ZMAT4: variants seen among roughly 807,000 people sequenced by gnomAD.
ZMAT4 encodes the protein zinc finger matrin-type protein 4.
A neutral mutation model predicts 28.7 loss-of-function variants in ZMAT4; 17 were observed. The observed-to-expected ratio is 0.59, with a 90% CI of 0.41 to 0.89. ZMAT4 has a LOEUF of 0.89. Among genes scored for constraint, ZMAT4 ranks in the 40% least tolerant of loss-of-function variants. ZMAT4 has a pLI of 0.00. For missense variants in ZMAT4, 240 were observed against 283.8 expected, an observed-to-expected ratio of 0.85 and a Z score of 1.11; for synonymous variants, 117 against 109.2, an observed-to-expected ratio of 1.07 and a Z score of -0.44.
chr8:40,763,944 T>C (rs1169809798), intron 3 of ZMAT4, among the ~76,000 whole-genome samples: 2 of 152,020 alleles, frequency 1.3e-5, no homozygotes, highest in Admixed American at 1.3e-4. Flanking sequence ...GCGATTTTGG[T>C]CAGCAGTTAC....
intron 1 of ZMAT4, among the ~76,000 whole-genome samples, chr8:40,849,336 C>T (rs1044875822): frequency 2.0e-5 from 3 of 152,228 alleles, no homozygotes; most frequent in African/African-American, 7.2e-5. Flanking sequence ...TTCTGCCTTT[C>T]TGAGTCCTTT....
At chr8:40,737,089 A>C (rs536821990) in intron 3 of ZMAT4, among the ~76,000 whole-genome samples, 2 of 152,380 alleles carry the variant, frequency 1.3e-5, no homozygotes, top group Non-Finnish European at 2.9e-5. Context: ...AAGCCACTGC[A>C]GCAAATAAAA....
intron 6 of ZMAT4, among the ~76,000 whole-genome samples, chr8:40,535,264 T>C (rs1464276905): frequency 6.6e-6 from 1 of 152,168 alleles, no homozygotes; most frequent in African/African-American, 2.4e-5. Flanking sequence ...CTTCCGCTTC[T>C]TCCACCACTA....
intron 2 of ZMAT4, among the ~76,000 whole-genome samples, chr8:40,807,625 C>T (rs766992504): frequency 3.3e-5 from 5 of 152,182 alleles, no homozygotes; most frequent in African/African-American, 9.7e-5. Context: ...ATTTTAGCTA[C>T]AGGATTGCTT....
intron 2 of ZMAT4, among the ~76,000 whole-genome samples, chr8:40,823,293 A>G (rs1563509174): frequency 6.6e-6 from 1 of 152,188 alleles, no homozygotes; most frequent in Non-Finnish European, 1.5e-5. Flanking sequence ...AACATAAAGT[A>G]CTAATGGGAG....
intron 4 of ZMAT4, among the ~76,000 whole-genome samples, chr8:40,675,501 C>T (rs1448888355): frequency 6.6e-6 from 1 of 152,062 alleles, no homozygotes; most frequent in East Asian, 1.9e-4. Context: ...GTGTGTATAA[C>T]ACTAAAAATA....
chr8:40,863,796 G>A (rs1393432912), intron 1 of ZMAT4, among the ~76,000 whole-genome samples: 4 of 152,168 alleles, frequency 2.6e-5, no homozygotes, highest in Admixed American at 6.5e-5. Context: ...GGAAGACCTT[G>A]TGAAAATCAT....
intron 1 of ZMAT4, among the ~76,000 whole-genome samples, chr8:40,860,350 C>T (rs1226520377): frequency 2.0e-5 from 3 of 152,160 alleles, no homozygotes; most frequent in Non-Finnish European, 2.9e-5. Context: ...GTCATTGCCA[C>T]ACTCTGTCCG....
intron 2 of ZMAT4, among the ~76,000 whole-genome samples, chr8:40,784,719 T>C (rs1813990285): frequency 6.6e-6 from 1 of 152,122 alleles, no homozygotes; most frequent in Non-Finnish European, 1.5e-5. Flanking sequence ...CGATCCCCAT[T>C]CAACGGAGAA....
chr8:40,646,385 C>A (rs926994437), intron 5 of ZMAT4, among the ~76,000 whole-genome samples: 4 of 151,646 alleles, frequency 2.6e-5, no homozygotes, highest in Non-Finnish European at 5.9e-5. Flanking sequence ...TGTAAACATA[C>A]TTTAACTTTT....
intron 1 of ZMAT4, among the ~76,000 whole-genome samples, chr8:40,891,544 C>T (rs1209056384): frequency 6.6e-6 from 1 of 152,096 alleles, no homozygotes; most frequent in Non-Finnish European, 1.5e-5. Flanking sequence ...CAGCCCCTGG[C>T]GTTCCCTGGG....
In ZMAT4 at chr8:40,542,622, C is replaced by T. The variant is rs534533293; in HGVS notation, c.675-10384G>A. Reference sequence around the variant, plus strand: ...CAGGCTGGTCTCCAACTCCTGGCCTCAACTGATCCACCCGCTTCTGCCTCT... The same window carrying T: ...CAGGCTGGTCTCCAACTCCTGGCCTTAACTGATCCACCCGCTTCTGCCTCT... On this transcript the variant is annotated intron_variant, in intron 6 of 6. Transcript: ENST00000297737. Among the ~76,000 whole-genome samples, 10 of 152,114 alleles carry T rather than the reference C, an allele frequency of 6.6e-5. No individual in the cohort carries two copies. The South Asian group carries it at 2.1e-3, about 32-fold the overall frequency.
Position 40,789,427 on chromosome 8 carries a change from T to C in ZMAT4, c.103-21697A>G, listed in dbSNP as rs149046626. On this transcript the variant is annotated intron_variant, in intron 2 of 6. Transcript: ENST00000297737. Reference sequence around the variant, plus strand: ...GAAAAAGAAATTCAGTGCATCAAAATTGCAAAATGAAAGACTGAATATGCA... The same window carrying C: ...GAAAAAGAAATTCAGTGCATCAAAACTGCAAAATGAAAGACTGAATATGCA... 2.5e-3 allele frequency among the ~76,000 whole-genome samples: 375 copies of C among 152,196 alleles called. 4 individuals carry two copies. The highest frequency in any genetic ancestry group is 8.1e-3 in the African/African-American group (336 of 41,522).
intron 6 of ZMAT4, among the ~76,000 whole-genome samples, chr8:40,542,091 G>A (rs367809759): frequency 9.3e-4 from 141 of 152,300 alleles, no homozygotes; most frequent in African/African-American, 3.2e-3. Context: ...GAGGCCGGAG[G>A]GGAGGGAAGG....
At chr8:40,850,650 C>T (rs920065023) in intron 1 of ZMAT4, among the ~76,000 whole-genome samples, 4 of 152,182 alleles carry the variant, frequency 2.6e-5, no homozygotes, top group African/African-American at 9.7e-5. Flanking sequence ...GAGCTGTCTC[C>T]AGTCCCTGAG....
intron 5 of ZMAT4, among the ~76,000 whole-genome samples, chr8:40,666,684 A>G (rs1488228262): frequency 2.0e-5 from 3 of 152,192 alleles, no homozygotes; most frequent in South Asian, 2.1e-4. Flanking sequence ...AATAAAACAC[A>G]CAAAATAAAG....
At chr8:40,711,307 A>G (rs1394324633) in intron 3 of ZMAT4, among the ~76,000 whole-genome samples, 1 of 152,222 alleles carries the variant, frequency 6.6e-6, no homozygotes, top group Non-Finnish European at 1.5e-5. Flanking sequence ...AATGAAAAAA[A>G]TAGAAGAAAA....
At chr8:40,654,727 A>C (rs1454987803) in intron 5 of ZMAT4, among the ~76,000 whole-genome samples, 1 of 152,170 alleles carries the variant, frequency 6.6e-6, no homozygotes, top group African/African-American at 2.4e-5. Flanking sequence ...TCAATGGATA[A>C]AGAAAAGGCA....
intron 2 of ZMAT4, among the ~76,000 whole-genome samples, chr8:40,801,912 T>C (rs1814866925): frequency 6.6e-6 from 1 of 152,150 alleles, no homozygotes; most frequent in South Asian, 2.1e-4. Flanking sequence ...TATGCTAGAC[T>C]GGTTCAACAT....
Sources: allele counts gnomAD v4.1 joint callset (sites outside exome capture counted in the v4.1 genomes callset), GRCh38; gene constraint gnomAD v4.1.1; transcripts MANE v1.5; gene names NCBI Gene and HGNC (gene_info 2026-07-23, HGNC 2026-07-21).